AKT3: variants seen among roughly 807,000 people sequenced by gnomAD.
AKT3 encodes the protein RAC-gamma serine/threonine-protein kinase.
Under a neutral mutation model 65.3 loss-of-function variants are expected in AKT3, and 15 were observed. The observed-to-expected ratio is 0.23, with a 90% CI of 0.15 to 0.35. The LOEUF is 0.35. Among genes scored for constraint, AKT3 ranks in the 10% least tolerant of loss-of-function variants. The probability of loss-of-function intolerance (pLI) is 1.00; values close to 1 mark genes in which losing one functional copy is unlikely to be tolerated. For missense variants in AKT3, 243 were observed against 576.5 expected, an observed-to-expected ratio of 0.42 and a Z score of 5.92; for synonymous variants, 206 against 183.8, an observed-to-expected ratio of 1.12 and a Z score of -0.98.
chr1:243,760,282 C>CTT (rs58733457), intron 2 of AKT3, among the ~76,000 whole-genome samples: 2,907 of 80,830 alleles, frequency 0.036, 467 homozygotes, highest in Middle Eastern at 0.089. Context: ...CTATATCTGG[C>CTT]TTTTTTTTTT....
At chr1:243,702,221 G>C (rs1391090905) in intron 2 of AKT3, among the ~76,000 whole-genome samples, 1 of 151,826 alleles carries the variant, frequency 6.6e-6, no homozygotes, top group African/African-American at 2.4e-5. Flanking sequence ...GTAACAAAAG[G>C]TACAACAAAT....
chr1:243,830,725 C>T (rs1431674050), intron 2 of AKT3, among the ~76,000 whole-genome samples: 2 of 152,094 alleles, frequency 1.3e-5, no homozygotes, highest in Non-Finnish European at 2.9e-5. Flanking sequence ...GGTACTTTAC[C>T]GTTCTAAGAG....
intron 2 of AKT3, among the ~76,000 whole-genome samples, chr1:243,701,723 A>G (rs1386549515): frequency 6.6e-6 from 1 of 151,124 alleles, no homozygotes; most frequent in Non-Finnish European, 1.5e-5. Flanking sequence ...AAAAATTCTA[A>G]TTTTCCGATA....
chr1:243,698,340 C>T (rs320304), intron 2 of AKT3, among the ~76,000 whole-genome samples: 126,240 of 151,918 alleles, frequency 0.83, 52,619 homozygotes, highest in Non-Finnish European at 0.86. Context: ...TTGAAAAATA[C>T]AAAAGAAAAC....
chr1:243,773,608 C>T (rs1023168261), intron 2 of AKT3, among the ~76,000 whole-genome samples: 1 of 152,010 alleles, frequency 6.6e-6, no homozygotes, highest in Non-Finnish European at 1.5e-5. Flanking sequence ...CTGGGCAACA[C>T]AGTGAGACCC....
chr1:243,581,702 C>A (rs1266015706), intron 8 of AKT3, among the ~76,000 whole-genome samples: 1 of 151,914 alleles, frequency 6.6e-6, no homozygotes, highest in Non-Finnish European at 1.5e-5. Context: ...TGTAGTGATA[C>A]CACCAAAGGA....
At chr1:243,846,903 G>C (rs1025004737) in intron 1 of AKT3, among the ~76,000 whole-genome samples, 1 of 152,194 alleles carries the variant, frequency 6.6e-6, no homozygotes, top group Non-Finnish European at 1.5e-5. Flanking sequence ...GGGGTTGTTT[G>C]AAAGATTAAA....
chr1:243,687,929 T>C (rs1199164882), intron 3 of AKT3: 7 of 152,144 alleles, frequency 4.6e-5, no homozygotes, highest in African/African-American at 1.4e-4. Context: ...ATTCACTTCT[T>C]AAGATAAGGC....
chr1:243,800,690 C>A (rs1034682709), intron 2 of AKT3, among the ~76,000 whole-genome samples: 1 of 151,766 alleles, frequency 6.6e-6, no homozygotes, highest in Non-Finnish European at 1.5e-5. Context: ...TGCACTCCAG[C>A]CCAGCGACAG....
chr1:243,632,567 C>A (rs1482302301), intron 6 of AKT3, among the ~76,000 whole-genome samples: 1 of 152,144 alleles, frequency 6.6e-6, no homozygotes, highest in Non-Finnish European at 1.5e-5. Context: ...GGAGCAATGG[C>A]TTCAACTTAA....
intron 2 of AKT3, among the ~76,000 whole-genome samples, chr1:243,746,900 G>C (rs578066938): frequency 3.3e-5 from 5 of 151,944 alleles, no homozygotes; most frequent in Admixed American, 2.0e-4. Flanking sequence ...ATGAACATGG[G>C]GGGTGGGGGG....
intron 2 of AKT3, among the ~76,000 whole-genome samples, chr1:243,777,312 C>G (rs1690615914): frequency 6.6e-6 from 1 of 152,188 alleles, no homozygotes; most frequent in Admixed American, 6.5e-5. Context: ...GCTAATCTGA[C>G]AAGAGGTGGA....
At chr1:243,773,011 G>A (rs1170152504) in intron 2 of AKT3, among the ~76,000 whole-genome samples, 1 of 135,632 alleles carries the variant, frequency 7.4e-6, no homozygotes, top group East Asian at 2.2e-4. Flanking sequence ...CACAGGAAGG[G>A]GAACATCACA....
intron 11 of AKT3, among the ~76,000 whole-genome samples, chr1:243,551,433 T>C (rs1288791898): frequency 6.6e-6 from 1 of 152,172 alleles, no homozygotes; most frequent in African/African-American, 2.4e-5. Flanking sequence ...TCTCTTTTAT[T>C]ATGTTTGCTT....
chr1:243,562,678 C>T (rs766501674), intron 10 of AKT3, among the ~76,000 whole-genome samples: 2 of 152,076 alleles, frequency 1.3e-5, no homozygotes, highest in Non-Finnish European at 2.9e-5. Flanking sequence ...AGAAGGGCTA[C>T]ATGTAAGTGT....
intron 12 of AKT3, among the ~76,000 whole-genome samples, chr1:243,532,622 T>C (rs1434197664): frequency 1.3e-5 from 2 of 152,318 alleles, no homozygotes; most frequent in African/African-American, 2.4e-5. Context: ...TCTTTTCTTA[T>C]AATGCCTCTA....
intron 3 of AKT3, among the ~76,000 whole-genome samples, chr1:243,670,216 T>C (rs1683070693): frequency 6.6e-6 from 1 of 152,192 alleles, no homozygotes; most frequent in African/African-American, 2.4e-5. Flanking sequence ...TGAAATACTC[T>C]ACAAACACAT....
chr1:243,711,790 T>C (rs1042225238), intron 2 of AKT3, among the ~76,000 whole-genome samples: 1 of 152,216 alleles, frequency 6.6e-6, no homozygotes, highest in African/African-American at 2.4e-5. Context: ...TGACTATGAG[T>C]AAATTCACTC....
intron 6 of AKT3, chr1:243,624,572 C>T (rs1679009671): frequency 6.5e-6 from 1 of 153,840 alleles, no homozygotes; most frequent in Non-Finnish European, 1.5e-5. Flanking sequence ...ACCATTTAAT[C>T]AACCATACTG....
Sources: allele counts gnomAD v4.1 joint callset (sites outside exome capture counted in the v4.1 genomes callset), GRCh38; gene constraint gnomAD v4.1.1; transcripts MANE v1.5; gene names NCBI Gene and HGNC (gene_info 2026-07-23, HGNC 2026-07-21).